SMAD9: variants seen among roughly 807,000 people sequenced by gnomAD.
SMAD9 encodes SMAD family member 9.
In SMAD9, 36 loss-of-function variants were observed where a neutral mutation model predicts 46.1. The ratio of observed to expected loss-of-function variants is 0.78; its 90% CI spans 0.60 to 1.03. The LOEUF (loss-of-function observed/expected upper bound fraction) is 1.03. Among genes scored for constraint, SMAD9 ranks in the 50% least tolerant of loss-of-function variants. SMAD9 has a pLI of 0.00. For missense variants in SMAD9, 572 were observed against 599.8 expected (o/e 0.95, Z 0.48); for synonymous variants, 245 against 237.1 (o/e 1.03, Z -0.31).
At chr13:36,905,707 C>T (rs187370040) in intron 1 of SMAD9, among the ~76,000 whole-genome samples, 2 of 129,946 alleles carry the variant, frequency 1.5e-5, no homozygotes, top group Admixed American at 9.4e-5. Context: ...CTGGGGAGTT[C>T]GAGACTCCTG....
intron 1 of SMAD9, among the ~76,000 whole-genome samples, chr13:36,893,167 T>C (rs910199727): frequency 6.6e-6 from 1 of 152,006 alleles, no homozygotes; most frequent in Non-Finnish European, 1.5e-5. Context: ...CCTAGGCTAG[T>C]TTCCAAACAT....
intron 1 of SMAD9, among the ~76,000 whole-genome samples, chr13:36,880,110 T>C (rs2058390163): frequency 6.6e-6 from 1 of 152,224 alleles, no homozygotes; most frequent in Non-Finnish European, 1.5e-5. Context: ...TTTAAAACTG[T>C]TGTCTTTGAC....
intron 5 of SMAD9, among the ~76,000 whole-genome samples, chr13:36,864,916 T>C (rs903928561): frequency 1.3e-5 from 2 of 152,042 alleles, no homozygotes; most frequent in African/African-American, 4.8e-5. Context: ...GAAAAGAAAA[T>C]AATTTAAAGA....
At chr13:36,868,873 T>C (rs2058261245) in intron 3 of SMAD9, among the ~76,000 whole-genome samples, 1 of 152,184 alleles carries the variant, frequency 6.6e-6, no homozygotes, top group African/African-American at 2.4e-5. Flanking sequence ...AATCCAAATA[T>C]CCAACAGCTA....
chr13:36,859,908 C>T (rs1313617866), intron 5 of SMAD9, among the ~76,000 whole-genome samples: 2 of 150,600 alleles, frequency 1.3e-5, no homozygotes, highest in African/African-American at 2.5e-5. Flanking sequence ...TGAGGCGAGC[C>T]GAGATTGTGC....
At chr13:36,869,129 T>C (rs1378651433) in intron 3 of SMAD9, among the ~76,000 whole-genome samples, 1 of 152,118 alleles carries the variant, frequency 6.6e-6, no homozygotes, top group Non-Finnish European at 1.5e-5. Context: ...TACGGAGCTA[T>C]TGTTAAATCA....
intron 1 of SMAD9, among the ~76,000 whole-genome samples, chr13:36,910,521 G>A (rs2058653154): frequency 6.6e-6 from 1 of 152,082 alleles, no homozygotes; most frequent in African/African-American, 2.4e-5. Context: ...ATGAGGTGGG[G>A]GTTGTGAGTT....
intron 1 of SMAD9, among the ~76,000 whole-genome samples, chr13:36,918,295 G>T (rs2058714123): frequency 6.6e-6 from 1 of 152,176 alleles, no homozygotes. Flanking sequence ...AGTAAACACT[G>T]CACTGATAAA....
Position 36,872,665 on chromosome 13 carries a change from T to C in SMAD9, c.663A>G (p.Gln221=), listed in dbSNP as rs527522438. 8.1e-6 allele frequency: 13 copies of C among 1,614,012 alleles called. No homozygotes were observed. In the East Asian group the frequency reaches 2.7e-4, roughly 33 times the overall value. Residue 221 remains glutamine, a synonymous_variant, in exon 3 of 7, where the codon CAA becomes CAG. Coordinates refer to ENST00000379826, the MANE Select transcript of SMAD9 (RefSeq NM_001127217.3). ...ACCATAGTTCTTACTGACCTGAGTG[T>C]TGATAGGGACTCTCTGGCTCAGAAG... ...GSPSEPESPY[Q]HSVDTPPLPY...
intron 5 of SMAD9, among the ~76,000 whole-genome samples, chr13:36,859,547 C>A (rs188136942): frequency 2.0e-5 from 3 of 152,326 alleles, no homozygotes; most frequent in Admixed American, 2.0e-4. Context: ...CACTACTACA[C>A]TCCCACCAGT....
At chr13:36,865,862 G>T in intron 4 of SMAD9, 104 bp from the exon 5 acceptor site, 1 of 965,884 alleles carries the variant, frequency 1.0e-6, no homozygotes. Context: ...CCAGAAAGTC[G>T]GCTGCAAGAC....
chr13:36,911,359 A>C (rs1226035134), intron 1 of SMAD9, among the ~76,000 whole-genome samples: 2 of 152,136 alleles, frequency 1.3e-5, no homozygotes, highest in African/African-American at 4.8e-5. Flanking sequence ...TCTAACCTAA[A>C]GCCCATTGCT....
intron 1 of SMAD9, among the ~76,000 whole-genome samples, chr13:36,919,280 A>G (rs1433120118): frequency 6.6e-6 from 1 of 152,122 alleles, no homozygotes; most frequent in Admixed American, 6.5e-5. Flanking sequence ...ATGTTCTCCC[A>G]GCGCTCCTCC....
At chr13:36,853,335 C>T (rs913057406) in intron 6 of SMAD9, 84 bp downstream of exon 6, 2 of 1,361,722 alleles carry the variant, frequency 1.5e-6, no homozygotes, top group Non-Finnish European at 1.0e-6. Context: ...ATTGACCGCA[C>T]AACTGCCTGC....
chr13:36,891,095 C>T (rs1246111980), intron 1 of SMAD9, among the ~76,000 whole-genome samples: 2 of 152,094 alleles, frequency 1.3e-5, no homozygotes, highest in Non-Finnish European at 2.9e-5. Flanking sequence ...CTCCTTCCCG[C>T]TTTGGTCCTC....
At chr13:36,883,029 C>T (rs1757010548) in intron 1 of SMAD9, among the ~76,000 whole-genome samples, 1 of 152,138 alleles carries the variant, frequency 6.6e-6, no homozygotes, top group Admixed American at 6.6e-5. Context: ...CATTCTCATT[C>T]CTATAATGTT....
intron 1 of SMAD9, among the ~76,000 whole-genome samples, chr13:36,887,208 C>T (rs1593599472): frequency 7.3e-6 from 1 of 137,480 alleles, no homozygotes; most frequent in Non-Finnish European, 1.5e-5. Flanking sequence ...AATGATCTGA[C>T]TAGATCTTTT....
intron 1 of SMAD9, among the ~76,000 whole-genome samples, chr13:36,885,803 T>C (rs1483150924): frequency 6.6e-6 from 1 of 151,966 alleles, no homozygotes; most frequent in Non-Finnish European, 1.5e-5. Context: ...CAACAGTCCA[T>C]AGGTATTCTT....
Position 36,897,399 on chromosome 13 carries a change from G to A in SMAD9, c.-186-17524C>T, listed in dbSNP as rs1044064288. Among the ~76,000 whole-genome samples, 84 of 152,140 alleles carry A rather than the reference G, an allele frequency of 5.5e-4. 1 individual carries two copies. Among genetic ancestry groups the A allele is most frequent in the Non-Finnish European group, 1.9e-4 (13 of 68,022 alleles). ...TGCTTGAGGATATTTTCTGTTACCAGGACATAAATCTACTTCATTCTTGGT... is the reference window on the plus strand; with the variant it reads ...TGCTTGAGGATATTTTCTGTTACCAAGACATAAATCTACTTCATTCTTGGT... On this transcript the variant is annotated intron_variant, in intron 1 of 6. Coordinates refer to ENST00000379826, the MANE Select transcript of SMAD9 (RefSeq NM_001127217.3).
Sources: gnomAD v4.1 joint callset for allele counts (sites outside exome capture counted in the v4.1 genomes callset) on GRCh38, gnomAD v4.1.1 for gene constraint, MANE v1.5 for transcripts, NCBI Gene and HGNC (gene_info 2026-07-23, HGNC 2026-07-21) for gene names.